Variants in NCAPD3 observed in about 807,000 individuals in gnomAD.
The protein encoded by NCAPD3 is condensin-2 complex subunit D3.
In NCAPD3, 105 loss-of-function variants were observed where a neutral mutation model predicts 182.9. The ratio of observed to expected loss-of-function variants is 0.57; its 90% CI spans 0.49 to 0.68. The LOEUF is 0.68. Among genes scored for constraint, NCAPD3 ranks in the 30% least tolerant of loss-of-function variants. The pLI is 0.00. For synonymous variants in NCAPD3, 815 were observed against 679.9 expected, an observed-to-expected ratio of 1.20 and a Z score of -3.09; for missense variants, 1,944 against 1,837.0, an observed-to-expected ratio of 1.06 and a Z score of -1.07.
intron 33 of NCAPD3, 40 bp downstream of exon 33, chr11:134,153,249 G>A: frequency 3.1e-6 from 5 of 1,613,522 alleles, no homozygotes; most frequent in Non-Finnish European, 4.2e-6. Flanking sequence ...AACCTCAAAG[G>A]CAGTGCATCT....
intron 11 of NCAPD3, 110 bp from the exon 12 acceptor site, chr11:134,203,308 A>C: frequency 1.2e-6 from 1 of 839,520 alleles, no homozygotes. Flanking sequence ...AGGCAGACAG[A>C]TTCTAAATTG....
rs1157192645 is a variant in NCAPD3, at chr11:134,150,654, AGTTT to A, written c.*2286_*2289del. ...CCCCCAATGCTATTTTTTTTTTTTA[AGTTT>A]GTTTAATTATTTGTTAAGATTGTCT... On this transcript the variant is annotated 3_prime_UTR_variant, in exon 35 of 35. Coordinates refer to ENST00000534548, the MANE Select transcript of NCAPD3 (RefSeq NM_015261.3). The A allele has an allele frequency of 2.1e-4, 32 of 151,502 alleles. 1 individual carries two copies. The highest frequency in any genetic ancestry group is 1.0e-3 in the Admixed American group (16 of 15,254). The allele number at this position is 151,502 out of a possible 1,614,324, so 9.4% of individuals were successfully genotyped here.
chr11:134,151,365 C>CTTGG lies in NCAPD3; in HGVS notation c.*1575_*1578dup, dbSNP rs1169969538. On this transcript the variant is annotated 3_prime_UTR_variant, in exon 35 of 35. Coordinates refer to ENST00000534548, the MANE Select transcript of NCAPD3 (RefSeq NM_015261.3). The stretch of plus-strand genomic sequence containing the variant: ...TGCAAGTTCCCTCCATCATTGCCAC[C>CTTGG]TTGGTAGAGAGGGATGGCTCCCCAC... 5 of 152,204 alleles carry CTTGG rather than the reference C, an allele frequency of 3.3e-5. No homozygotes were observed. Among genetic ancestry groups the CTTGG allele is most frequent in the Non-Finnish European group, 5.9e-5 (4 of 68,050 alleles). The allele number at this position is 152,204 out of a possible 1,614,324, so 9.4% of individuals were successfully genotyped here.
rs77304248 is a variant in NCAPD3 at position 134,215,242 on chromosome 11, A to C, written c.382+1694T>G. ...ACATCATACCTAAAGGCAAGACTGG[A>C]TGCTTTCCCCTTAAGATCAGGAATA... is the stretch of plus-strand genomic sequence containing the variant. On this transcript the variant is annotated intron_variant, in intron 3 of 34. Coordinates refer to ENST00000534548, the MANE Select transcript of NCAPD3 (RefSeq NM_015261.3). Among the ~76,000 whole-genome samples, 91 of 152,340 alleles carry C rather than the reference A, an allele frequency of 6.0e-4. No homozygotes were observed. In the East Asian group the frequency reaches 0.016, roughly 27 times the overall value.
chr11:134,153,449 G>A lies in NCAPD3; in HGVS notation c.4253-86C>T. 2.2e-6 allele frequency: 3 copies of A among 1,381,732 alleles called. No individual in the cohort carries two copies. The East Asian group carries it at 6.9e-5, about 32-fold the overall frequency. The allele number at this position is 1,381,732 out of a possible 1,614,324, so 85.6% of individuals were successfully genotyped here. On this transcript the variant is annotated intron_variant, in intron 32 of 34. Transcript: ENST00000534548. ...TAGTTGTCCGTGGGACGTAGGCAGG[G>A]TGTCCACATCAGTGTCCCAGCGGCG...
intron 24 of NCAPD3, 87 bp from the exon 25 acceptor site, chr11:134,169,141 GAGAGCTGTACATAAGCGTAGGGATTCA>G: frequency 2.9e-6 from 4 of 1,368,126 alleles, no homozygotes; most frequent in Non-Finnish European, 4.0e-6. Context: ...CTGAGCAGAG[GAGAGCTGTACATAAGCGTAGGGATTCA>G]AAATCTATCC....
chr11:134,224,144 C>A, upstream of NCAPD3: 3 of 608,592 alleles, frequency 4.9e-6, no homozygotes, highest in South Asian at 2.0e-5. Context: ...AAACAAGGCT[C>A]CTGCGGGTGT....
At chr11:134,198,028 C>G (rs1411135406) in intron 13 of NCAPD3, among the ~76,000 whole-genome samples, 1 of 152,070 alleles carries the variant, frequency 6.6e-6, no homozygotes, top group East Asian at 1.9e-4. Flanking sequence ...GACTGTAAAC[C>G]AAAAATAAAA....
chr11:134,168,572 CT>C lies in NCAPD3; in HGVS notation c.3269del (p.Lys1090SerfsTer8). The C allele has an allele frequency of 6.2e-7, 1 of 1,614,150 alleles. No homozygotes were observed. Among genetic ancestry groups the C allele is most frequent in the Non-Finnish European group, 8.5e-7 (1 of 1,180,022 alleles). ...TTTTCATTCGTCTCTCTTTGTTTGA[CT>C]TTCCCTTCAATGAAAACAGCCGCTT... ...REKRLFSLKGKSNKERRMKIY... is the reference protein window; with the variant it reads ...REKRLFSLKGXSNKERRMKIY... On this transcript the variant is annotated frameshift_variant, in exon 26 of 35. Coordinates refer to ENST00000534548, the MANE Select transcript of NCAPD3 (RefSeq NM_015261.3). LOFTEE classifies it high-confidence loss of function.
At chr11:134,217,322 ATAAT>A (rs1938065703) in intron 2 of NCAPD3, among the ~76,000 whole-genome samples, 1 of 152,350 alleles carries the variant, frequency 6.6e-6, no homozygotes, top group African/African-American at 2.4e-5. Flanking sequence ...ACATATTTAA[ATAAT>A]TAAACTTTCA....
rs950726156 is a variant in NCAPD3 at position 134,155,221 on chromosome 11, A to G, written c.4252+1797T>C. 5.3e-5 allele frequency among the ~76,000 whole-genome samples: 8 copies of G among 152,298 alleles called. No homozygotes were observed. In the South Asian group the frequency reaches 1.7e-3, roughly 32 times the overall value. On this transcript the variant is annotated intron_variant, in intron 32 of 34. Coordinates refer to ENST00000534548, the MANE Select transcript of NCAPD3 (RefSeq NM_015261.3). ...TTTCCATTTAGCAAAGCCACTGTGA[A>G]TTGGTGCTGAACTGGGTGGCATCTT...
chr11:134,170,447 A>C (rs889095350), intron 24 of NCAPD3, among the ~76,000 whole-genome samples: 1 of 152,256 alleles, frequency 6.6e-6, no homozygotes, highest in Non-Finnish European at 1.5e-5. Context: ...GAATGAAAAA[A>C]ACCACTAAAC....
At position 134,179,033 on chromosome 11, in the gene NCAPD3, C is replaced by G. The variant is rs1438678262; in HGVS notation, c.2560-97G>C. 3 of 775,222 alleles carry G rather than the reference C, an allele frequency of 3.9e-6. No individual in the cohort carries two copies. The African/African-American group carries it at 5.2e-5, about 14-fold the overall frequency. The allele number at this position is 775,222 out of a possible 1,614,324, so 48.0% of individuals were successfully genotyped here. A position where few individuals can be genotyped will look rare whatever the true frequency, so the allele number is the denominator to read the frequency against. On this transcript the variant is annotated intron_variant, in intron 20 of 34. Transcript: ENST00000534548. Reference sequence around the variant, plus strand: ...GTCAATGGAGTATTTCCTTTATCCCCCAAATTTAAAACAATGTTACTAGTT... The same window carrying G: ...GTCAATGGAGTATTTCCTTTATCCCGCAAATTTAAAACAATGTTACTAGTT...
chr11:134,163,261 C>A lies in NCAPD3; in HGVS notation c.3574-1370G>T, dbSNP rs962834043. Among the ~76,000 whole-genome samples, 3 of 152,126 alleles carry A rather than the reference C, an allele frequency of 2.0e-5. No homozygotes were observed. The South Asian group carries it at 6.2e-4, about 32-fold the overall frequency. On this transcript the variant is annotated intron_variant, in intron 27 of 34. Transcript: ENST00000534548. ...TTTACCCATTTTAAACAAACACTTC[C>A]ATGAGCTTTGACAAAAGTCTATATG...
chr11:134,158,192 C>T, intron 30 of NCAPD3, 125 bp from the exon 31 acceptor site: 3 of 1,522,092 alleles, frequency 2.0e-6, no homozygotes, highest in East Asian at 2.3e-5. Flanking sequence ...TCAAACCTCC[C>T]AGGGCACAGT....
chr11:134,160,268 C>G (rs1366930598), intron 28 of NCAPD3, among the ~76,000 whole-genome samples, 194 bp from the exon 29 acceptor site: 2 of 152,194 alleles, frequency 1.3e-5, no homozygotes, highest in African/African-American at 2.4e-5. Context: ...AACAATAGGA[C>G]TGACATTACT....
intron 2 of NCAPD3, among the ~76,000 whole-genome samples, chr11:134,219,528 T>C (rs1938151516): frequency 6.6e-6 from 1 of 152,224 alleles, no homozygotes; most frequent in African/African-American, 2.4e-5. Flanking sequence ...GTGCTTAGTG[T>C]TATGCTGAAG....
chr11:134,210,386 A>T lies in NCAPD3; in HGVS notation c.451T>A (p.Trp151Arg), dbSNP rs1418450190. Residue 151 changes from tryptophan (W) to arginine (R), a missense_variant, in exon 4 of 35, where the codon TGG (tryptophan) becomes AGG (arginine). By Grantham distance (101) the Trp-to-Arg change is moderately radical. This residue lies in a region of NCAPD3 where 1,803 missense variants were observed against 1,674.6 expected (regional missense o/e 1.08). Coordinates refer to ENST00000534548, the MANE Select transcript of NCAPD3 (RefSeq NM_015261.3). ...CGATTCAAGTTAGATTCCTGGGGCC[A>T]GCTCTTCTTTAGAGTCTGAATGCAT... ...DKCIQTLKKS[W>R]PQESNLNRKR... 1 of 1,614,044 alleles carries T rather than the reference A, an allele frequency of 6.2e-7. No individual in the cohort carries two copies. The highest frequency in any genetic ancestry group is 8.5e-7 in the Non-Finnish European group (1 of 1,180,012).
rs1938091971 is a variant in NCAPD3 at position 134,218,090 on chromosome 11, C to A, written c.220-992G>T. Among the ~76,000 whole-genome samples, 7 of 127,282 alleles carry A rather than the reference C, an allele frequency of 5.5e-5. No individual in the cohort carries two copies. The South Asian group carries it at 1.9e-3, about 34-fold the overall frequency. The allele number at this position is 127,282 out of a possible 152,430, so 83.5% of individuals were successfully genotyped here. A position where few individuals can be genotyped will look rare whatever the true frequency, so the allele number is the denominator to read the frequency against. Reference sequence around the variant, plus strand: ...TCCAGCCTGGGTGACAGAGCAAGACCCTGGTCTCAAAAAAAAAAAAGGGGG... The same window carrying A: ...TCCAGCCTGGGTGACAGAGCAAGACACTGGTCTCAAAAAAAAAAAAGGGGG... On this transcript the variant is annotated intron_variant, in intron 2 of 34. Coordinates refer to ENST00000534548, the MANE Select transcript of NCAPD3 (RefSeq NM_015261.3).
Sources: gnomAD v4.1 joint callset for allele counts (sites outside exome capture counted in the v4.1 genomes callset) on GRCh38, gnomAD v4.1.1 for gene constraint, gnomAD v4.1.1 regional missense constraint, MANE v1.5 for transcripts, NCBI Gene and HGNC (gene_info 2026-07-23, HGNC 2026-07-21) for gene names.